ADARB2: variants seen among roughly 807,000 people sequenced by gnomAD.
The protein encoded by ADARB2 is adenosine deaminase RNA specific B2 (inactive).
Under a neutral mutation model 62.2 loss-of-function variants are expected in ADARB2, and 25 were observed. That is an observed-to-expected ratio of 0.40 (90% CI 0.29 to 0.56). ADARB2 has a LOEUF of 0.56. ADARB2 is among the 20% of genes least tolerant of loss of function. The probability of loss-of-function intolerance (pLI) is 0.43; values close to 1 mark genes in which losing one functional copy is unlikely to be tolerated. For synonymous variants in ADARB2, 572 were observed against 500.8 expected (o/e 1.14, Z -1.90); for missense variants, 1,071 against 1,077.4 (o/e 0.99, Z 0.08).
chr10:1,539,406 G>C (rs1248122217), intron 1 of ADARB2, among the ~76,000 whole-genome samples: 1 of 152,148 alleles, frequency 6.6e-6, no homozygotes, highest in Non-Finnish European at 1.5e-5. Context: ...CAAACCCATC[G>C]ACCAGTGCTG....
chr10:1,606,318 G>GC (rs1343092071), intron 1 of ADARB2, among the ~76,000 whole-genome samples: 2 of 151,722 alleles, frequency 1.3e-5, no homozygotes, highest in Non-Finnish European at 2.9e-5. Flanking sequence ...GGAAACCTGA[G>GC]CGGGGGGGAG....
intron 3 of ADARB2, among the ~76,000 whole-genome samples, chr10:1,303,613 A>T (rs1661184389): frequency 6.6e-6 from 1 of 151,554 alleles, no homozygotes; most frequent in African/African-American, 2.4e-5. Context: ...AAAAAATGTT[A>T]AGGGCAGCCA....
At chr10:1,689,607 G>C (rs1834643355) in intron 1 of ADARB2, among the ~76,000 whole-genome samples, 1 of 152,196 alleles carries the variant, frequency 6.6e-6, no homozygotes, top group African/African-American at 2.4e-5. Flanking sequence ...CCTGCCTATT[G>C]TTTTGTGTGG....
rs753054298 is a variant in ADARB2 at position 1,737,042 on chromosome 10, G to C, written c.100+9C>G. The C allele has an allele frequency of 2.3e-5, 37 of 1,609,702 alleles. 1 individual carries two copies. The highest frequency in any genetic ancestry group is 3.3e-5 in the South Asian group (3 of 91,080). On this transcript the variant is annotated intron_variant, in intron 1 of 9. Coordinates refer to ENST00000381312, the MANE Select transcript of ADARB2 (RefSeq NM_018702.4). ...GGGGGCAGGGGCCGGCGCGCCACGC[G>C]GTCCTTACCTTTCCGCTTGGACCTC...
chr10:1,282,274 C>T (rs1425809197), intron 3 of ADARB2, among the ~76,000 whole-genome samples: 1 of 152,168 alleles, frequency 6.6e-6, no homozygotes, highest in African/African-American at 2.4e-5. Flanking sequence ...GCCACAAACC[C>T]GTCTTACTGA....
chr10:1,478,042 C>T (rs1344228861), intron 1 of ADARB2, among the ~76,000 whole-genome samples: 1 of 152,198 alleles, frequency 6.6e-6, no homozygotes, highest in Non-Finnish European at 1.5e-5. Flanking sequence ...AGCAAACCTC[C>T]CCGAGCCTTT....
At chr10:1,372,419 C>A (rs149424673) in intron 2 of ADARB2, among the ~76,000 whole-genome samples, 6 of 152,084 alleles carry the variant, frequency 3.9e-5, no homozygotes, top group Non-Finnish European at 8.8e-5. Context: ...GTGCAGTATA[C>A]CCACGGGACA....
intron 1 of ADARB2, among the ~76,000 whole-genome samples, chr10:1,685,958 C>T (rs948295126): frequency 3.3e-5 from 5 of 152,246 alleles, no homozygotes; most frequent in African/African-American, 1.2e-4. Context: ...CTCTGCCTGG[C>T]TTGGACACTC....
intron 1 of ADARB2, among the ~76,000 whole-genome samples, chr10:1,678,796 G>A (rs1834500673): frequency 6.6e-6 from 1 of 152,040 alleles, no homozygotes; most frequent in Non-Finnish European, 1.5e-5. Flanking sequence ...CCAACACCGA[G>A]AAGCTGCTTT....
intron 3 of ADARB2, among the ~76,000 whole-genome samples, chr10:1,350,550 G>T (rs1396778032): frequency 1.3e-5 from 2 of 152,116 alleles, no homozygotes; most frequent in African/African-American, 4.8e-5. Context: ...CTCTTAAAAA[G>T]GTGGCTGGAG....
chr10:1,581,386 C>T (rs1028675846), intron 1 of ADARB2, among the ~76,000 whole-genome samples: 4 of 152,212 alleles, frequency 2.6e-5, no homozygotes, highest in Admixed American at 1.3e-4. Flanking sequence ...CACCATCTCC[C>T]CCGAGGACAG....
At chr10:1,476,960 A>G (rs567105948) in intron 1 of ADARB2, among the ~76,000 whole-genome samples, 1 of 152,232 alleles carries the variant, frequency 6.6e-6, no homozygotes, top group East Asian at 1.9e-4. Flanking sequence ...CTTAACAATC[A>G]GAGACACAAG....
chr10:1,365,315 A>G (rs1832304906), intron 2 of ADARB2, among the ~76,000 whole-genome samples: 1 of 152,038 alleles, frequency 6.6e-6, no homozygotes, highest in Non-Finnish European at 1.5e-5. Context: ...CAAACTTAGG[A>G]ACTGTTGTGA....
chr10:1,570,678 G>A (rs1832922851), intron 1 of ADARB2, among the ~76,000 whole-genome samples: 1 of 152,218 alleles, frequency 6.6e-6, no homozygotes, highest in African/African-American at 2.4e-5. Context: ...GGAGAAGATG[G>A]GGATTCTGAC....
At chr10:1,557,670 C>T (rs1460736112) in intron 1 of ADARB2, among the ~76,000 whole-genome samples, 2 of 152,072 alleles carry the variant, frequency 1.3e-5, no homozygotes, top group Admixed American at 1.3e-4. Flanking sequence ...TTGGGAGACC[C>T]AGGCGGGTGG....
chr10:1,326,512 C>A (rs1831847782), intron 3 of ADARB2, among the ~76,000 whole-genome samples: 1 of 152,196 alleles, frequency 6.6e-6, no homozygotes, highest in Admixed American at 6.5e-5. Flanking sequence ...GAAAAGTAAC[C>A]ATTTCTGTCA....
At chr10:1,498,921 A>G (rs992881578) in intron 1 of ADARB2, among the ~76,000 whole-genome samples, 1 of 152,014 alleles carries the variant, frequency 6.6e-6, no homozygotes, top group Non-Finnish European at 1.5e-5. Flanking sequence ...CTCAACACTC[A>G]TTCATCATTC....
At chr10:1,536,866 A>T (rs1385035218) in intron 1 of ADARB2, among the ~76,000 whole-genome samples, 1 of 152,220 alleles carries the variant, frequency 6.6e-6, no homozygotes, top group Non-Finnish European at 1.5e-5. Flanking sequence ...ACCCTAGAAG[A>T]AAACCTAGGC....
chr10:1,265,601 CGGCCT>C (rs2131795031), intron 4 of ADARB2, among the ~76,000 whole-genome samples: 25 of 135,898 alleles, frequency 1.8e-4, no homozygotes, highest in African/African-American at 6.7e-4. Flanking sequence ...TCCCGGAAGA[CGGCCT>C]GAGAGGGGGG....
Sources: gnomAD v4.1 joint callset for allele counts (sites outside exome capture counted in the v4.1 genomes callset) on GRCh38, gnomAD v4.1.1 for gene constraint, MANE v1.5 for transcripts, NCBI Gene and HGNC (gene_info 2026-07-23, HGNC 2026-07-21) for gene names.